Variants in ZNF836 observed in about 807,000 individuals in gnomAD.
The protein encoded by ZNF836 is zinc finger protein 836.
Under a neutral mutation model 7.4 loss-of-function variants are expected in ZNF836, and 12 were observed. The observed-to-expected ratio is 1.61, with a 90% confidence interval of 1.03 to 2.61. ZNF836 has a LOEUF of 2.61. Ranked by LOEUF, ZNF836 falls within the 30% of genes most tolerant of loss-of-function variation. ZNF836 has a pLI of 0.00. For synonymous variants in ZNF836, 365 were observed against 382.6 expected (o/e 0.95, Z 0.54); for missense variants, 998 against 1,126.2 (o/e 0.89, Z 1.63).
Position 52,154,654 on chromosome 19 carries a change from G to A in ZNF836, c.*218C>T, listed in dbSNP as rs893454609. On this transcript the variant is annotated 3_prime_UTR_variant, in exon 5 of 5. Coordinates refer to ENST00000682614, the MANE Select transcript of ZNF836 (RefSeq NM_001102657.3). ...CAGCCTGGCGACAGAGAGAGACTCC[G>A]TCTCAAAAAAGCAAAACAAACAAAA... 1.9e-4 allele frequency: 73 copies of A among 393,134 alleles called. No individual in the cohort carries two copies. Among genetic ancestry groups the A allele is most frequent in the African/African-American group, 1.1e-3 (52 of 48,638 alleles). The allele number at this position is 393,134 out of a possible 1,614,324, so 24.4% of individuals were successfully genotyped here.
Position 52,157,140 on chromosome 19 carries a change from T to C in ZNF836, c.543A>G (p.Gln181=). The C allele has an allele frequency of 6.2e-7, 1 of 1,613,302 alleles. No individual in the cohort carries two copies. The highest frequency in any genetic ancestry group is 8.5e-7 in the Non-Finnish European group (1 of 1,179,454). Residue 181 remains glutamine, a synonymous_variant, in exon 5 of 5, where the codon CAA becomes CAG. Coordinates refer to ENST00000682614, the MANE Select transcript of ZNF836 (RefSeq NM_001102657.3). The part of the protein sequence containing the change: ...VNNSSLVSPL[Q]RILPSVQTNI... ...TGGTTTGGACACTAGGAAGAATTCT[T>C]TGAAGTGGTGAAACTAGGGAACTGT...
chr19:52,156,845 C>T lies in ZNF836; in HGVS notation c.838G>A (p.Gly280Ser). 1.9e-6 allele frequency: 3 copies of T among 1,614,198 alleles called. No homozygotes were observed. Among genetic ancestry groups the T allele is most frequent in the Non-Finnish European group, 2.5e-6 (3 of 1,180,042 alleles). Residue 280 changes from glycine (G) to serine (S), a missense_variant, in exon 5 of 5, where the codon GGC becomes AGC. Coordinates refer to ENST00000682614, the MANE Select transcript of ZNF836 (RefSeq NM_001102657.3). ...RGKPYQCGVC[G>S]KIFRQNSDLV... ...TCTGAATTTTGTCTGAAGATCTTGC[C>T]ACATACACCACATTGATATGGCTTC...
rs779022515 is a variant in ZNF836, at chr19:52,154,954, G to C, written c.2729C>G (p.Thr910Arg). The change falls in exon 5 of 5, where the codon ACA (threonine) becomes AGA (arginine). Residue 910 changes from threonine to arginine, a missense_variant. Coordinates refer to ENST00000682614, the MANE Select transcript of ZNF836 (RefSeq NM_001102657.3). ...TTTAAGACTCTCTGCAGTATGTTTT[G>C]TCTGATGTTTAGTGAGGCCTGAGCG... ...ISRSGLTKHQ[T>R]KHTAESLKTK... 3 of 1,590,102 alleles carry C rather than the reference G, an allele frequency of 1.9e-6. No homozygotes were observed. The African/African-American group carries it at 4.1e-5, about 22-fold the overall frequency.
rs1329703808 is a variant in ZNF836 at position 52,157,504 on chromosome 19, G to A, written c.179C>T (p.Pro60Leu). ...LPKCMTKELP[P>L]IGNSNTGEKC... ...TTCTCCTGTATTACTGTTCCCTATTGGTGGTAATTCCTTGGTCATACATTT... is the reference window on the plus strand; with the variant it reads ...TTCTCCTGTATTACTGTTCCCTATTAGTGGTAATTCCTTGGTCATACATTT... Residue 60 changes from proline (P) to leucine (L), a missense_variant, in exon 5 of 5, where the codon CCA becomes CTA. Coordinates refer to ENST00000682614, the MANE Select transcript of ZNF836 (RefSeq NM_001102657.3). 6.4e-7 allele frequency: 1 copy of A among 1,550,710 alleles called. No homozygotes were observed. Among genetic ancestry groups the A allele is most frequent in the Non-Finnish European group, 8.7e-7 (1 of 1,154,772 alleles).
chr19:52,157,560 TG>T lies in ZNF836; in HGVS notation c.143-21del. The T allele has an allele frequency of 6.8e-7, 1 of 1,462,078 alleles. No individual in the cohort carries two copies. The highest frequency in any genetic ancestry group is 9.0e-7 in the Non-Finnish European group (1 of 1,109,898). 90.6% of individuals were successfully genotyped at this position (1,462,078 alleles called of 1,614,324 possible). ...GGATACCTACAAAATATAATGAACA[TG>T]GGAGTTTTTTCGTTGGTTTTTTTTT... On this transcript the variant is annotated intron_variant, in intron 4 of 4. Transcript: ENST00000682614.
At chr19:52,167,226 T>G (rs1157586951) in intron 3 of ZNF836, among the ~76,000 whole-genome samples, 1 of 151,658 alleles carries the variant, frequency 6.6e-6, no homozygotes, top group Non-Finnish European at 1.5e-5. Flanking sequence ...AATCCCTGCA[T>G]TTTGGGAGGC....
rs147651458 is a variant in ZNF836 at position 52,155,264 on chromosome 19, C to T, written c.2419G>A (p.Val807Met). ...AAGGCTTTGCCACACTCATTACACACGTAAGGTTTCTCTCCAGTATGAATA... is the reference window on the plus strand; with the variant it reads ...AAGGCTTTGCCACACTCATTACACATGTAAGGTTTCTCTCCAGTATGAATA... The part of the protein sequence containing the change: ...RSIHTGEKPY[V>M]CNECGKAFRV... The change falls in exon 5 of 5, where the codon GTG becomes ATG. Residue 807 changes from valine to methionine, a missense_variant. Physicochemically the swap from Val to Met is conservative, Grantham distance 21 (BLOSUM62 1). Transcript: ENST00000682614. 1.6e-5 allele frequency: 26 copies of T among 1,613,914 alleles called. No homozygotes were observed. Among genetic ancestry groups the T allele is most frequent in the Admixed American group, 3.3e-5 (2 of 60,030 alleles).
rs1568569615 is a variant in ZNF836 at position 52,156,379 on chromosome 19, A to C, written c.1304T>G (p.Ile435Ser). 1 of 1,614,040 alleles carries C rather than the reference A, an allele frequency of 6.2e-7. No homozygotes were observed. Among genetic ancestry groups the C allele is most frequent in the African/African-American group, 1.3e-5 (1 of 74,914 alleles). ...RSSSLTTHQIIHTGEKPYTCD... is the reference protein window; with the variant it reads ...RSSSLTTHQISHTGEKPYTCD... Reference sequence around the variant, plus strand: ...TGTATATGGTTTCTCTCCTGTATGGATTATCTGATGTGTAGTGAGGCTGGA... The same window carrying C: ...TGTATATGGTTTCTCTCCTGTATGGCTTATCTGATGTGTAGTGAGGCTGGA... Residue 435 changes from isoleucine to serine, a missense_variant, in exon 5 of 5, where the codon ATC (isoleucine) becomes AGC (serine). Transcript: ENST00000682614.
In ZNF836 at chr19:52,166,484, T is replaced by G. The variant is rs145431839; in HGVS notation, c.15+1574A>C. 9.3e-3 allele frequency among the ~76,000 whole-genome samples: 1,420 copies of G among 152,144 alleles called. 25 individuals carry two copies. The highest frequency in any genetic ancestry group is 0.032 in the African/African-American group (1,325 of 41,524). The stretch of plus-strand genomic sequence containing the variant: ...ATCCATCATCTCAGAGGTACCTTTT[T>G]TTTTGACAGGAACAGCTAAAATCTA... On this transcript the variant is annotated intron_variant, in intron 3 of 4. Transcript: ENST00000682614.
chr19:52,168,292 A>C, intron 2 of ZNF836, 140 bp from the exon 3 acceptor site: 1 of 552,516 alleles, frequency 1.8e-6, no homozygotes, highest in Non-Finnish European at 3.1e-6. Context: ...TAAATTCCTA[A>C]ACAAAGACCA....
intron 4 of ZNF836, among the ~76,000 whole-genome samples, chr19:52,158,427 A>G (rs531147593): frequency 8.5e-5 from 13 of 152,264 alleles, no homozygotes; most frequent in Middle Eastern, 3.4e-3. Flanking sequence ...TACTTATTAT[A>G]TAAGTATTAA....
In ZNF836 at chr19:52,163,502, C is replaced by T. The variant is rs116123905; in HGVS notation, c.16-2911G>A. ...AATTCTGCTTTCCACAGCCCGGGTG[C>T]GGTGGCTCACGCCTGTAATCCCAGC... On this transcript the variant is annotated intron_variant, in intron 3 of 4. Transcript: ENST00000682614. Among the ~76,000 whole-genome samples the T allele has an allele frequency of 5.5e-3, 831 of 152,292 alleles. 12 individuals carry two copies. Among genetic ancestry groups the T allele is most frequent in the African/African-American group, 0.019 (783 of 41,554 alleles).
intron 3 of ZNF836, among the ~76,000 whole-genome samples, chr19:52,166,964 A>G (rs998416731): frequency 3.3e-5 from 5 of 151,880 alleles, no homozygotes; most frequent in Non-Finnish European, 7.4e-5. Flanking sequence ...AAAATAAAAG[A>G]AATATGATGT....
chr19:52,164,455 A>AGGAAGGAG (rs2089243755), intron 3 of ZNF836, among the ~76,000 whole-genome samples: 1 of 121,576 alleles, frequency 8.2e-6, no homozygotes, highest in African/African-American at 3.4e-5. Context: ...GAGAAAAGGA[A>AGGAAGGAG]GGAAGGAAGG....
At chr19:52,167,960 A>C in intron 3 of ZNF836, 98 bp downstream of exon 3, 1 of 884,358 alleles carries the variant, frequency 1.1e-6, no homozygotes, top group South Asian at 1.5e-5. Flanking sequence ...CAAACGTGTC[A>C]GGCAGGATGC....
intron 3 of ZNF836, 47 bp from the exon 4 acceptor site, chr19:52,160,638 T>A: frequency 6.4e-7 from 1 of 1,554,972 alleles, no homozygotes; most frequent in South Asian, 1.2e-5. Flanking sequence ...AGAGCTCTTA[T>A]CTATACATAA....
At position 52,155,731 on chromosome 19, in the gene ZNF836, G is replaced by A. The variant is rs962455910; in HGVS notation, c.1952C>T (p.Ser651Leu). The A allele has an allele frequency of 3.2e-5, 51 of 1,614,088 alleles. No homozygotes were observed. Among genetic ancestry groups the A allele is most frequent in the Non-Finnish European group, 4.1e-5 (48 of 1,180,030 alleles). ...NECGKVFSYY[S>L]CLARHRKIHT... Reference sequence around the variant, plus strand: ...AATTTTCCGATGACGTGCTAGGCATGAGTAGTAACTGAAAACCTTGCCGCA... The same window carrying A: ...AATTTTCCGATGACGTGCTAGGCATAAGTAGTAACTGAAAACCTTGCCGCA... Residue 651 changes from serine (S) to leucine (L), a missense_variant, in exon 5 of 5, where the codon TCA becomes TTA. Physicochemically the swap from Ser to Leu is moderately radical, Grantham distance 145 (BLOSUM62 -2). Coordinates refer to ENST00000682614, the MANE Select transcript of ZNF836 (RefSeq NM_001102657.3).
At chr19:52,168,966 T>C (rs755041538) in intron 2 of ZNF836, among the ~76,000 whole-genome samples, 1 of 152,042 alleles carries the variant, frequency 6.6e-6, no homozygotes, top group Non-Finnish European at 1.5e-5. Context: ...GTGGGGAGAA[T>C]GGAAAAATGT....
intron 3 of ZNF836, among the ~76,000 whole-genome samples, chr19:52,166,608 C>G (rs2089266465): frequency 1.4e-5 from 2 of 140,950 alleles, no homozygotes; most frequent in Admixed American, 1.5e-4. Flanking sequence ...GAGTCTCGCT[C>G]TGTCGCCCAG....
Sources: allele counts gnomAD v4.1 joint callset (sites outside exome capture counted in the v4.1 genomes callset), GRCh38; gene constraint gnomAD v4.1.1; transcripts MANE v1.5; gene names NCBI Gene and HGNC (gene_info 2026-07-23, HGNC 2026-07-21).